Variants in ELAVL2 observed in about 807,000 individuals in gnomAD.
ELAVL2 encodes the protein ELAV-like protein 2.
In ELAVL2, 4 loss-of-function variants were observed where a neutral mutation model predicts 34.6. That is an observed-to-expected ratio of 0.12 (90% CI 0.06 to 0.26). The LOEUF is 0.26. Ranked by LOEUF, ELAVL2 falls within the 10% of genes least tolerant of loss-of-function variation. The pLI is 1.00. For synonymous variants in ELAVL2, 193 were observed against 154.8 expected, an observed-to-expected ratio of 1.25 and a Z score of -1.83; for missense variants, 432 against 442.8, an observed-to-expected ratio of 0.98 and a Z score of 0.22.
chr9:23,708,591 A>C (rs1290472201), intron 3 of ELAVL2, among the ~76,000 whole-genome samples: 1 of 152,248 alleles, frequency 6.6e-6, no homozygotes, highest in Non-Finnish European at 1.5e-5. Flanking sequence ...TACACAGAGA[A>C]ACTGGCCACA....
At chr9:23,696,381 G>A (rs949733501) in intron 5 of ELAVL2, among the ~76,000 whole-genome samples, 5 of 152,226 alleles carry the variant, frequency 3.3e-5, no homozygotes, top group African/African-American at 1.2e-4. Context: ...AGAGAAAATA[G>A]TGCAGCAGCT....
chr9:23,775,185 G>A (rs528283096), intron 1 of ELAVL2, among the ~76,000 whole-genome samples: 94 of 152,268 alleles, frequency 6.2e-4, no homozygotes, highest in Non-Finnish European at 1.1e-3. Flanking sequence ...AATGGCAAGG[G>A]AAAGAAACTA....
At chr9:23,733,901 GACTA>G (rs2047203783) in intron 2 of ELAVL2, among the ~76,000 whole-genome samples, 2 of 152,044 alleles carry the variant, frequency 1.3e-5, no homozygotes, top group Admixed American at 1.3e-4. Flanking sequence ...AAGCAATCAT[GACTA>G]GCTATATGAG....
At chr9:23,815,144 C>G (rs2063530439) in intron 1 of ELAVL2, among the ~76,000 whole-genome samples, 1 of 151,972 alleles carries the variant, frequency 6.6e-6, no homozygotes. Context: ...AAATTCAAAT[C>G]AGAGAAAACG....
At chr9:23,819,925 T>A (rs1158017971) in intron 1 of ELAVL2, among the ~76,000 whole-genome samples, 1 of 152,146 alleles carries the variant, frequency 6.6e-6, no homozygotes, top group Non-Finnish European at 1.5e-5. Context: ...CAACCTTAAG[T>A]GTTGTTACCT....
intron 1 of ELAVL2, among the ~76,000 whole-genome samples, chr9:23,778,380 C>T (rs1023211479): frequency 6.6e-6 from 1 of 152,142 alleles, no homozygotes; most frequent in Non-Finnish European, 1.5e-5. Context: ...AAACAAAACA[C>T]AAACAAAAAC....
intron 1 of ELAVL2, among the ~76,000 whole-genome samples, chr9:23,795,745 A>G (rs1382914838): frequency 6.6e-6 from 1 of 152,152 alleles, no homozygotes; most frequent in Non-Finnish European, 1.5e-5. Context: ...TTAAGAACGA[A>G]TATTCCTTTG....
At chr9:23,803,481 C>T (rs1049146888) in intron 1 of ELAVL2, among the ~76,000 whole-genome samples, 4 of 152,146 alleles carry the variant, frequency 2.6e-5, no homozygotes, top group Non-Finnish European at 5.9e-5. Context: ...CATGCATGCT[C>T]CATCTTCCTC....
At position 23,817,751 on chromosome 9, in the gene ELAVL2, G is replaced by T. The variant is rs576211195; in HGVS notation, c.-16+8055C>A. Among the ~76,000 whole-genome samples the T allele has an allele frequency of 1.6e-4, 24 of 152,238 alleles. No individual in the cohort carries two copies. The East Asian group carries it at 4.6e-3, about 29-fold the overall frequency. ...ATGATACACATCACACAAGCTGAAA[G>T]CCAAATCTGTTAAATTTACTAGTGA... is the stretch of plus-strand genomic sequence containing the variant. On this transcript the variant is annotated intron_variant, in intron 1 of 6. Coordinates refer to ENST00000397312, the MANE Select transcript of ELAVL2 (RefSeq NM_004432.5).
At position 23,690,758 on chromosome 9, in the gene ELAVL2, C is replaced by A. The variant is rs542865143; in HGVS notation, c.*1799G>T. 1.3e-5 allele frequency: 2 copies of A among 152,656 alleles called. No individual in the cohort carries two copies. The highest frequency in any genetic ancestry group is 3.9e-4 in the East Asian group (2 of 5,174). 9.5% of individuals were successfully genotyped at this position (152,656 alleles called of 1,614,324 possible). A position where few individuals can be genotyped will look rare whatever the true frequency, so the allele number is the denominator to read the frequency against. ...ATCTCAGTTTATACAAAAAGCAGGA[C>A]GTAACTATATAGTTCTCAGTGCATC... On this transcript the variant is annotated 3_prime_UTR_variant, in exon 7 of 7. Transcript: ENST00000397312.
intron 2 of ELAVL2, among the ~76,000 whole-genome samples, chr9:23,751,061 C>A (rs2051863290): frequency 1.3e-5 from 2 of 152,184 alleles, no homozygotes; most frequent in Admixed American, 1.3e-4. Context: ...CCCATCAGAT[C>A]TACTCTACAA....
At chr9:23,811,304 G>A (rs776294613) in intron 1 of ELAVL2, among the ~76,000 whole-genome samples, 9 of 151,262 alleles carry the variant, frequency 5.9e-5, no homozygotes, top group African/African-American at 1.2e-4. Flanking sequence ...GTAACGCAGC[G>A]TACAAGCTGT....
the ELAVL2 span, among the ~76,000 whole-genome samples, chr9:23,838,199 T>C: frequency 5.9e-5 from 9 of 152,140 alleles, no homozygotes; most frequent in Non-Finnish European, 1.2e-4. Flanking sequence ...GTTGGATTTA[T>C]AGTTACTTTT....
intron 1 of ELAVL2, among the ~76,000 whole-genome samples, chr9:23,793,372 CAG>C (rs1413656352): frequency 6.6e-6 from 1 of 152,138 alleles, no homozygotes; most frequent in Admixed American, 6.5e-5. Flanking sequence ...AAATGAAATT[CAG>C]AGTTTTCAGA....
chr9:23,787,293 CTT>C (rs1304138028), intron 1 of ELAVL2, among the ~76,000 whole-genome samples: 2 of 150,008 alleles, frequency 1.3e-5, no homozygotes, highest in Non-Finnish European at 3.0e-5. Context: ...GAGTTTCGCT[CTT>C]GTCTCCCAGG....
chr9:23,768,975 A>C (rs750570852), intron 1 of ELAVL2, among the ~76,000 whole-genome samples: 2 of 152,168 alleles, frequency 1.3e-5, no homozygotes, highest in South Asian at 2.1e-4. Context: ...AGACAAGCTT[A>C]TCTCTCAGGC....
At chr9:23,805,972 G>A (rs1392073874) in intron 1 of ELAVL2, among the ~76,000 whole-genome samples, 1 of 151,638 alleles carries the variant, frequency 6.6e-6, no homozygotes, top group African/African-American at 2.4e-5. Context: ...TTTTTTTCTG[G>A]GTGGTCCAAG....
rs1041914323 is a variant in ELAVL2, at chr9:23,691,804, G to A, written c.*753C>T. 2.0e-5 allele frequency: 3 copies of A among 152,424 alleles called. No individual in the cohort carries two copies. Among genetic ancestry groups the A allele is most frequent in the African/African-American group, 7.3e-5 (3 of 41,370 alleles). 9.4% of individuals were successfully genotyped at this position (152,424 alleles called of 1,614,324 possible). A position where few individuals can be genotyped will look rare whatever the true frequency, so the allele number is the denominator to read the frequency against. Reference sequence around the variant, plus strand: ...CCTGGTAAATTTTAAAAGCTCACTAGGTGTCATATGAAGAGATTTCTCAAA... The same window carrying A: ...CCTGGTAAATTTTAAAAGCTCACTAAGTGTCATATGAAGAGATTTCTCAAA... On this transcript the variant is annotated 3_prime_UTR_variant, in exon 7 of 7. Transcript: ENST00000397312.
rs553992909 is a variant in ELAVL2, at chr9:23,702,944, A to G, written c.488-1340T>C. The stretch of plus-strand genomic sequence containing the variant: ...TTAGCTGTTCCATTAGAAAAGCATC[A>G]GATTAGCAAAAAAAAAAAAAAAAAA... On this transcript the variant is annotated intron_variant, in intron 4 of 6. Coordinates refer to ENST00000397312, the MANE Select transcript of ELAVL2 (RefSeq NM_004432.5). 3.5e-4 allele frequency among the ~76,000 whole-genome samples: 45 copies of G among 128,732 alleles called. No individual in the cohort carries two copies. In the East Asian group the frequency reaches 0.01, roughly 29 times the overall value. The allele number at this position is 128,732 out of a possible 152,430, so 84.5% of individuals were successfully genotyped here. A position where few individuals can be genotyped will look rare whatever the true frequency, so the allele number is the denominator to read the frequency against.
Sources: allele counts gnomAD v4.1 joint callset (sites outside exome capture counted in the v4.1 genomes callset), GRCh38; gene constraint gnomAD v4.1.1; transcripts MANE v1.5; gene names NCBI Gene and HGNC (gene_info 2026-07-23, HGNC 2026-07-21).